MCIDAS: variants seen among roughly 807,000 people sequenced by gnomAD.
MCIDAS encodes the protein multicilin.
A neutral mutation model predicts 35.4 loss-of-function variants in MCIDAS; 23 were observed. That is an observed-to-expected ratio of 0.65 (90% CI 0.47 to 0.92). The LOEUF is 0.92. MCIDAS is among the 40% of genes least tolerant of loss of function. The pLI is 0.00. For synonymous variants in MCIDAS, 228 were observed against 235.2 expected, an observed-to-expected ratio of 0.97 and a Z score of 0.28; for missense variants, 480 against 531.8, an observed-to-expected ratio of 0.90 and a Z score of 0.96.
intron 2 of MCIDAS, 72 bp downstream of exon 2, chr5:55,226,763 C>T: frequency 7.1e-7 from 1 of 1,399,338 alleles, no homozygotes; most frequent in East Asian, 2.9e-5. Flanking sequence ...AGAGAAGCTC[C>T]TCCGAGCTGT....
intron 3 of MCIDAS, among the ~76,000 whole-genome samples, chr5:55,224,544 G>A (rs1476394579): frequency 6.6e-6 from 1 of 152,182 alleles, no homozygotes; most frequent in Non-Finnish European, 1.5e-5. Context: ...ACAAGTCCTG[G>A]AGCATGAGTG....
intron 3 of MCIDAS, 66 bp downstream of exon 3, chr5:55,226,510 A>C: frequency 1.4e-6 from 2 of 1,463,908 alleles, no homozygotes; most frequent in Non-Finnish European, 9.1e-7. Flanking sequence ...GGGGAATTAA[A>C]ACCACCACCC....
chr5:55,221,511 T>C (rs1016673084), intron 5 of MCIDAS, among the ~76,000 whole-genome samples: 2 of 152,140 alleles, frequency 1.3e-5, no homozygotes, highest in African/African-American at 2.4e-5. Context: ...GCCAGACACA[T>C]AGAAAGCCTT....
At position 55,222,162 on chromosome 5, in the gene MCIDAS, AC is replaced by A; in HGVS notation, c.606+13del. ...CTGCCCCAGGATTCCTGGTCGCCAGACCAGTGTCCCTACTTGATTATTCTCA... is the reference window on the plus strand; with the variant it reads ...CTGCCCCAGGATTCCTGGTCGCCAGACAGTGTCCCTACTTGATTATTCTCA... On this transcript the variant is annotated intron_variant, in intron 5 of 6. Coordinates refer to ENST00000513312, the MANE Select transcript of MCIDAS (RefSeq NM_001190787.3). 6.5e-7 allele frequency: 1 copy of A among 1,533,948 alleles called. No homozygotes were observed. The highest frequency in any genetic ancestry group is 8.7e-7 in the Non-Finnish European group (1 of 1,146,614).
chr5:55,226,824 A>G lies in MCIDAS; in HGVS notation c.217+11T>C. On this transcript the variant is annotated intron_variant, in intron 2 of 6. Transcript: ENST00000513312. The stretch of plus-strand genomic sequence containing the variant: ...GAACCCGAGGGGTAGCGTGGGTGCC[A>G]CGGGGCTCACCTGGCAGCGCTGTGG... The G allele has an allele frequency of 7.2e-7, 1 of 1,390,220 alleles. No individual in the cohort carries two copies. The highest frequency in any genetic ancestry group is 9.3e-7 in the Non-Finnish European group (1 of 1,078,730). 86.1% of individuals were successfully genotyped at this position (1,390,220 alleles called of 1,614,324 possible). A position where few individuals can be genotyped will look rare whatever the true frequency, so the allele number is the denominator to read the frequency against.
chr5:55,222,466 GC>G, intron 4 of MCIDAS, 67 bp from the exon 5 acceptor site: 2 of 1,255,582 alleles, frequency 1.6e-6, no homozygotes, highest in Non-Finnish European at 2.1e-6. Context: ...GGAGCAAAAT[GC>G]CACTCTGGGT....
In MCIDAS at chr5:55,223,858, C is replaced by T. The variant is rs1460234506; in HGVS notation, c.310-835G>A. On this transcript the variant is annotated intron_variant, in intron 3 of 6. Coordinates refer to ENST00000513312, the MANE Select transcript of MCIDAS (RefSeq NM_001190787.3). This position sits in a 1 kb window ranked among gnomAD's most constrained non-coding sequence, Gnocchi z 4.4. Reference sequence around the variant, plus strand: ...TGGGAGTACTCTTTTCTCGTACAGCCGGTGCACCTCCAACATTATGAACTG... The same window carrying T: ...TGGGAGTACTCTTTTCTCGTACAGCTGGTGCACCTCCAACATTATGAACTG... Among the ~76,000 whole-genome samples the T allele has an allele frequency of 6.6e-6, 1 of 152,136 alleles. No homozygotes were observed. The highest frequency in any genetic ancestry group is 1.5e-5 in the Non-Finnish European group (1 of 68,022).
rs781191667 is a variant in MCIDAS, at chr5:55,227,056, C to T, written c.83G>A (p.Arg28Gln). The T allele has an allele frequency of 1.4e-5, 22 of 1,519,754 alleles. No individual in the cohort carries two copies. In the African/African-American group the frequency reaches 2.1e-4, roughly 15 times the overall value. 94.1% of individuals were successfully genotyped at this position (1,519,754 alleles called of 1,614,324 possible). Residue 28 changes from arginine to glutamine, a missense_variant, in exon 1 of 7, where the codon CGG (arginine) becomes CAG (glutamine). Physicochemically the swap from Arg to Gln is conservative, Grantham distance 43. Coordinates refer to ENST00000513312, the MANE Select transcript of MCIDAS (RefSeq NM_001190787.3). ...CPNRMLALPG[R>Q]ALLCKPGKPE... ...CTTCCCCGGCTTGCAGAGCAGCGCC[C>T]GGCCCGGCAGTGCCAGCATTCTGTT... is the stretch of plus-strand genomic sequence containing the variant.
chr5:55,225,200 C>A (rs1268689900), intron 3 of MCIDAS, among the ~76,000 whole-genome samples: 2 of 151,962 alleles, frequency 1.3e-5, no homozygotes, highest in African/African-American at 4.8e-5. Context: ...AGAGTGAGAC[C>A]TTGTCTCAAA....
Position 55,226,654 on chromosome 5 carries a change from T to C in MCIDAS, c.231A>G (p.Ile77Met). ...AGCAGTCAGCGAGGTCCTGCAGGTC[T>C]ATGGTGGTGAGGGCTGCGCGGGGAG... is the stretch of plus-strand genomic sequence containing the variant. The part of the protein sequence containing the change: ...EPTALPALTT[I>M]DLQDLADCSS... The change falls in exon 3 of 7, where the codon ATA (isoleucine) becomes ATG (methionine). Residue 77 changes from isoleucine to methionine, a missense_variant. By Grantham distance (10) the Ile-to-Met change is conservative. Coordinates refer to ENST00000513312, the MANE Select transcript of MCIDAS (RefSeq NM_001190787.3). 6.5e-7 allele frequency: 1 copy of C among 1,527,820 alleles called. No homozygotes were observed. Among genetic ancestry groups the C allele is most frequent in the Non-Finnish European group, 8.7e-7 (1 of 1,143,170 alleles). The allele number at this position is 1,527,820 out of a possible 1,614,324, so 94.6% of individuals were successfully genotyped here.
Position 55,220,756 on chromosome 5 carries a change from GA to G in MCIDAS, c.767del (p.Phe256SerfsTer29). ...SRDCGAAAEP[F>X]LLKAKAKRSL... ...TCCTTTTGGCCTTCGCCTTGAGCAG[GA>G]AGGGCTCGGCCGCCGCCCCACAATC... is the stretch of plus-strand genomic sequence containing the variant. On this transcript the variant is annotated frameshift_variant, in exon 7 of 7. Coordinates refer to ENST00000513312, the MANE Select transcript of MCIDAS (RefSeq NM_001190787.3). LOFTEE classifies it high-confidence loss of function. 7 of 1,534,540 alleles carry G rather than the reference GA, an allele frequency of 4.6e-6. No homozygotes were observed. Among genetic ancestry groups the G allele is most frequent in the Non-Finnish European group, 6.1e-6 (7 of 1,145,628 alleles).
In MCIDAS at chr5:55,223,049, G is replaced by A. The variant is rs749471827; in HGVS notation, c.310-26C>T. 9.1e-5 allele frequency: 139 copies of A among 1,524,704 alleles called. No individual in the cohort carries two copies. The highest frequency in any genetic ancestry group is 1.2e-4 in the Non-Finnish European group (132 of 1,136,986). 94.4% of individuals were successfully genotyped at this position (1,524,704 alleles called of 1,614,324 possible). A position where few individuals can be genotyped will look rare whatever the true frequency, so the allele number is the denominator to read the frequency against. On this transcript the variant is annotated intron_variant, in intron 3 of 6. Transcript: ENST00000513312. This position sits in a 1 kb window ranked among gnomAD's most constrained non-coding sequence, Gnocchi z 4.4. ...CTGAAAAAAACCAGAGGTGTACACT[G>A]GTTAACGAGTCTGGCGTTAGAAAGC... is the stretch of plus-strand genomic sequence containing the variant.
rs1745324243 is a variant in MCIDAS at position 55,220,229 on chromosome 5, A to G, written c.*137T>C. On this transcript the variant is annotated 3_prime_UTR_variant, in exon 7 of 7. Coordinates refer to ENST00000513312, the MANE Select transcript of MCIDAS (RefSeq NM_001190787.3). Reference sequence around the variant, plus strand: ...ACAATGTTTTGTAGCAGAAATTTACAATGCATCGGTATCAAGATGCTTTTG... The same window carrying G: ...ACAATGTTTTGTAGCAGAAATTTACGATGCATCGGTATCAAGATGCTTTTG... 3 of 810,874 alleles carry G rather than the reference A, an allele frequency of 3.7e-6. No homozygotes were observed. Among genetic ancestry groups the G allele is most frequent in the African/African-American group, 1.7e-5 (1 of 57,792 alleles). 50.2% of individuals were successfully genotyped at this position (810,874 alleles called of 1,614,324 possible).
In MCIDAS at chr5:55,220,347, T is replaced by C. The variant is rs1454543508; in HGVS notation, c.*19A>G. On this transcript the variant is annotated 3_prime_UTR_variant, in exon 7 of 7. Transcript: ENST00000513312. ...TCAGTGGAAACACAGGGCAGTGTTTTGGGGGACCACATCACAGCTCAACTG... is the reference window on the plus strand; with the variant it reads ...TCAGTGGAAACACAGGGCAGTGTTTCGGGGGACCACATCACAGCTCAACTG... 1 of 1,522,100 alleles carries C rather than the reference T, an allele frequency of 6.6e-7. No individual in the cohort carries two copies. The highest frequency in any genetic ancestry group is 2.0e-5 in the Admixed American group (1 of 50,630). The allele number at this position is 1,522,100 out of a possible 1,614,324, so 94.3% of individuals were successfully genotyped here.
chr5:55,226,657 G>C lies in MCIDAS; in HGVS notation c.228C>G (p.Thr76=). The C allele has an allele frequency of 6.6e-7, 1 of 1,524,588 alleles. No individual in the cohort carries two copies. Among genetic ancestry groups the C allele is most frequent in the South Asian group, 1.2e-5 (1 of 82,740 alleles). The allele number at this position is 1,524,588 out of a possible 1,614,324, so 94.4% of individuals were successfully genotyped here. The change falls in exon 3 of 7, where the codon ACC becomes ACG. Residue 76 remains threonine, a synonymous_variant. Coordinates refer to ENST00000513312, the MANE Select transcript of MCIDAS (RefSeq NM_001190787.3). ...AGTCAGCGAGGTCCTGCAGGTCTAT[G>C]GTGGTGAGGGCTGCGCGGGGAGACC... ...AEPTALPALT[T]IDLQDLADCS...
Position 55,221,023 on chromosome 5 carries a change from A to AC in MCIDAS, c.709dup (p.Val237GlyfsTer4). 1 of 1,535,886 alleles carries AC rather than the reference A, an allele frequency of 6.5e-7. No homozygotes were observed. Among genetic ancestry groups the AC allele is most frequent in the Non-Finnish European group, 8.7e-7 (1 of 1,146,760 alleles). ...CGCCCGCGCCCCACTTACATCCAGCACCGAGGCCAGGTGCCGGGTTCGGCT... is the reference window on the plus strand; with the variant it reads ...CGCCCGCGCCCCACTTACATCCAGCACCCGAGGCCAGGTGCCGGGTTCGGCT... On this transcript the variant is annotated frameshift_variant, in exon 6 of 7. Coordinates refer to ENST00000513312, the MANE Select transcript of MCIDAS (RefSeq NM_001190787.3). LOFTEE classifies it high-confidence loss of function.
At chr5:55,226,970 C>T in intron 1 of MCIDAS, 39 bp from the exon 2 acceptor site, 1 of 1,501,780 alleles carries the variant, frequency 6.7e-7, no homozygotes, top group Middle Eastern at 1.7e-4. Context: ...GGTCAGCCCT[C>T]GGGGCACCGA....
At chr5:55,222,430 C>T in intron 4 of MCIDAS, 31 bp from the exon 5 acceptor site, 1 of 1,445,326 alleles carries the variant, frequency 6.9e-7, no homozygotes, top group Non-Finnish European at 9.1e-7. Flanking sequence ...GATTTGCAGC[C>T]TCAAATTCAT....
At position 55,221,283 on chromosome 5, in the gene MCIDAS, T is replaced by A. The variant is rs573553969; in HGVS notation, c.607-157A>T. On this transcript the variant is annotated intron_variant, in intron 5 of 6. Coordinates refer to ENST00000513312, the MANE Select transcript of MCIDAS (RefSeq NM_001190787.3). ...AATAATAATCAATTTACTTTTTTTT[T>A]AAAACAAAGCACTTGGACAAAATTT... Among the ~76,000 whole-genome samples the A allele has an allele frequency of 6.2e-3, 935 of 151,382 alleles. 8 individuals are homozygous for A. Among genetic ancestry groups the A allele is most frequent in the Admixed American group, 0.024 (358 of 15,186 alleles).
Sources: gnomAD v4.1 joint callset for allele counts (sites outside exome capture counted in the v4.1 genomes callset) on GRCh38, gnomAD v4.1.1 for gene constraint, Gnocchi (gnomAD v3.1) non-coding constraint, MANE v1.5 for transcripts, NCBI Gene and HGNC (gene_info 2026-07-23, HGNC 2026-07-21) for gene names.